Variants in TMEM108 observed in about 807,000 individuals in gnomAD.
TMEM108 encodes the protein cancer/testis antigen 124.
In TMEM108, 12 loss-of-function variants were observed where a neutral mutation model predicts 35.1. That is an observed-to-expected ratio of 0.34 (90% CI 0.22 to 0.55). The LOEUF (loss-of-function observed/expected upper bound fraction) is 0.55, where lower values mean the gene tolerates loss of function less well. TMEM108 is among the 20% of genes least tolerant of loss of function. TMEM108 has a pLI of 0.89. For missense variants in TMEM108, 680 were observed against 753.3 expected, an observed-to-expected ratio of 0.90 and a Z score of 1.14; for synonymous variants, 287 against 308.6, an observed-to-expected ratio of 0.93 and a Z score of 0.73.
chr3:133,046,834 T>A (rs1202921754), intron 2 of TMEM108, among the ~76,000 whole-genome samples: 3 of 135,604 alleles, frequency 2.2e-5, no homozygotes, highest in African/African-American at 7.6e-5. Flanking sequence ...CTGAGGATGG[T>A]TAAGAATGAG....
intron 2 of TMEM108, among the ~76,000 whole-genome samples, chr3:133,163,227 G>T (rs7641817): frequency 0.14 from 21,361 of 152,024 alleles, 3,072 homozygotes; most frequent in African/African-American, 0.36. Flanking sequence ...GATGGGCTAC[G>T]GGCTTCTTGC....
intron 2 of TMEM108, among the ~76,000 whole-genome samples, chr3:133,139,768 AC>A (rs1399843885): frequency 6.6e-6 from 1 of 152,178 alleles, no homozygotes; most frequent in Non-Finnish European, 1.5e-5. Context: ...CAGTATCAAA[AC>A]CTAGGCTAGC....
chr3:133,225,639 A>G (rs1394892418), intron 2 of TMEM108, among the ~76,000 whole-genome samples: 2 of 152,114 alleles, frequency 1.3e-5, no homozygotes, highest in South Asian at 2.1e-4. Flanking sequence ...TATAATCCCA[A>G]TGTACCTTTT....
chr3:133,059,171 G>A (rs566449482), intron 2 of TMEM108, among the ~76,000 whole-genome samples: 10 of 152,238 alleles, frequency 6.6e-5, no homozygotes, highest in Admixed American at 3.3e-4. Flanking sequence ...TGACTGAATC[G>A]CCTCTCAAAG....
intron 2 of TMEM108, among the ~76,000 whole-genome samples, chr3:133,167,403 T>G (rs1945057239): frequency 6.6e-6 from 1 of 152,254 alleles, no homozygotes; most frequent in East Asian, 1.9e-4. Context: ...GCGCCCGCAC[T>G]CCTCAGCCCT....
At chr3:133,092,151 G>A (rs930995535) in intron 2 of TMEM108, among the ~76,000 whole-genome samples, 2 of 152,152 alleles carry the variant, frequency 1.3e-5, no homozygotes. Context: ...GTAGTCAAGA[G>A]GAAACAACCC....
At position 133,248,052 on chromosome 3, in the gene TMEM108, AT is replaced by A. The variant is rs1259071055; in HGVS notation, c.40+18702del. On this transcript the variant is annotated intron_variant, in intron 3 of 5. Transcript: ENST00000321871. ...ACAGTAGGAAGCTATAAGTCAAGCC[AT>A]GTTCTTAAATCCAACTTAACTAGTA... is the stretch of plus-strand genomic sequence containing the variant. 39 of 152,342 alleles carry A rather than the reference AT, an allele frequency of 2.6e-4. 1 individual carries two copies. The highest frequency in any genetic ancestry group is 1.8e-3 in the Admixed American group (28 of 15,300). 9.4% of individuals were successfully genotyped at this position (152,342 alleles called of 1,614,324 possible).
intron 2 of TMEM108, among the ~76,000 whole-genome samples, chr3:133,148,844 A>AAAT (rs1944758124): frequency 6.6e-6 from 1 of 152,064 alleles, no homozygotes; most frequent in African/African-American, 2.4e-5. Flanking sequence ...AAAAATAAAT[A>AAAT]AAATCAGCCA....
Position 133,380,402 on chromosome 3 carries a change from G to A in TMEM108, c.691G>A (p.Glu231Lys), listed in dbSNP as rs2072974064. 6.2e-7 allele frequency: 1 copy of A among 1,613,538 alleles called. No individual in the cohort carries two copies. The highest frequency in any genetic ancestry group is 1.1e-5 in the South Asian group (1 of 91,048). Residue 231 changes from glutamate to lysine, a missense_variant, in exon 4 of 6, where the codon GAG becomes AAG. By Grantham distance (56) the Glu-to-Lys change is moderately conservative (BLOSUM62 1). Coordinates refer to ENST00000321871, the MANE Select transcript of TMEM108 (RefSeq NM_023943.4). The surrounding 1 kb of genome is among the most constrained non-coding windows in gnomAD (Gnocchi z 5.3). ...CAACTTCACAGGGTCTGTGGAACCG[G>A]AGCCCTCTACCCTCACCCCCAGGAC... Reference protein sequence around the residue: ...KGNFTGSVEPEPSTLTPRTPL... With the variant: ...KGNFTGSVEPKPSTLTPRTPL...
chr3:133,168,170 A>G (rs972066078), intron 2 of TMEM108, among the ~76,000 whole-genome samples: 2 of 152,200 alleles, frequency 1.3e-5, no homozygotes, highest in Non-Finnish European at 2.9e-5. Flanking sequence ...CAGTTTTAAG[A>G]TTTTTATGGG....
chr3:133,310,530 C>CT lies in TMEM108; in HGVS notation c.41-69193dup, dbSNP rs59215786. 1.4e-3 allele frequency among the ~76,000 whole-genome samples: 31 copies of CT among 22,250 alleles called. 5 individuals carry two copies. Among genetic ancestry groups the CT allele is most frequent in the East Asian group, 5.0e-3 (2 of 398 alleles). 14.6% of individuals were successfully genotyped at this position (22,250 alleles called of 152,430 possible). A position where few individuals can be genotyped will look rare whatever the true frequency, so the allele number is the denominator to read the frequency against. The stretch of plus-strand genomic sequence containing the variant: ...TCAGAGACTAGGATTGCAACCCCTG[C>CT]TTTTTTTTTTTTTTTTTTTTTTTTT... On this transcript the variant is annotated intron_variant, in intron 3 of 5. Coordinates refer to ENST00000321871, the MANE Select transcript of TMEM108 (RefSeq NM_023943.4).
intron 2 of TMEM108, among the ~76,000 whole-genome samples, chr3:133,179,789 T>C (rs1945302630): frequency 6.6e-6 from 1 of 151,538 alleles, no homozygotes; most frequent in East Asian, 1.9e-4. Context: ...ACATGTACCG[T>C]AAAACTTAAA....
chr3:133,167,561 G>A (rs764480605), intron 2 of TMEM108, among the ~76,000 whole-genome samples: 6 of 152,242 alleles, frequency 3.9e-5, no homozygotes, highest in African/African-American at 1.2e-4. Flanking sequence ...GAAGCCCAGC[G>A]AGAATTCGAG....
intron 3 of TMEM108, among the ~76,000 whole-genome samples, chr3:133,317,468 G>A (rs2107716120): frequency 6.6e-6 from 1 of 152,228 alleles, no homozygotes; most frequent in East Asian, 1.9e-4. Context: ...TAAAAATTGT[G>A]GGTAATAGAT....
At chr3:133,387,746 T>G in intron 4 of TMEM108, 1 of 826,736 alleles carries the variant, frequency 1.2e-6, no homozygotes, top group Non-Finnish European at 1.5e-6. Context: ...CATTTAATCT[T>G]CCCAAGGAAG....
In TMEM108 at chr3:133,380,982, C is replaced by T. The variant is rs1236145121; in HGVS notation, c.1271C>T (p.Thr424Ile). The T allele has an allele frequency of 1.2e-6, 2 of 1,614,238 alleles. No individual in the cohort carries two copies. The highest frequency in any genetic ancestry group is 8.5e-7 in the Non-Finnish European group (1 of 1,180,026). ...VPSPLSTVVS[T>I]ATGNFLNRLV... is the part of the protein sequence containing the mutation. The stretch of plus-strand genomic sequence containing the variant: ...AGTCCTCTCTCCACAGTGGTATCCA[C>T]AGCCACAGGCAATTTCCTCAACCGC... Residue 424 changes from threonine to isoleucine, a missense_variant, in exon 4 of 6, where the codon ACA becomes ATA. Around this residue, in one of 3 missense-constraint regions of TMEM108, gnomAD observed 526 missense variants for 532.1 expected, o/e 0.99. Coordinates refer to ENST00000321871, the MANE Select transcript of TMEM108 (RefSeq NM_023943.4). The surrounding 1 kb of genome is among the most constrained non-coding windows in gnomAD (Gnocchi z 5.3).
chr3:133,309,432 T>C (rs997082798), intron 3 of TMEM108, among the ~76,000 whole-genome samples: 20 of 152,160 alleles, frequency 1.3e-4, no homozygotes, highest in Non-Finnish European at 1.5e-5. Context: ...CTTGCTTCTC[T>C]AGTTCTTTTA....
intron 2 of TMEM108, among the ~76,000 whole-genome samples, chr3:133,095,957 A>G (rs1454100664): frequency 2.6e-5 from 4 of 152,178 alleles, no homozygotes; most frequent in Non-Finnish European, 5.9e-5. Flanking sequence ...TTGCCTCGCA[A>G]ATATTCTTTC....
At chr3:133,181,401 CA>C (rs1945342959) in intron 2 of TMEM108, among the ~76,000 whole-genome samples, 1 of 152,090 alleles carries the variant, frequency 6.6e-6, no homozygotes, top group Non-Finnish European at 1.5e-5. Flanking sequence ...ACTTCTTTTC[CA>C]TATCAGGAAA....
Sources: gnomAD v4.1 joint callset for allele counts (sites outside exome capture counted in the v4.1 genomes callset) on GRCh38, gnomAD v4.1.1 for gene constraint, gnomAD v4.1.1 regional missense constraint, Gnocchi (gnomAD v3.1) non-coding constraint, MANE v1.5 for transcripts, NCBI Gene and HGNC (gene_info 2026-07-23, HGNC 2026-07-21) for gene names.